The following UMPS variants were observed in gnomAD, a reference collection of about 807,000 sequenced individuals.
UMPS encodes uridine 5'-monophosphate synthase.
UMPS carries 21 observed loss-of-function variants against 38.9 expected under a neutral mutation model. That is an observed-to-expected ratio of 0.54 (90% CI 0.38 to 0.78). UMPS has a LOEUF of 0.78. UMPS is among the 30% of genes least tolerant of loss of function. The pLI is 0.00. For synonymous variants in UMPS, 208 were observed against 219.3 expected (o/e 0.95, Z 0.45); for missense variants, 533 against 591.6 (o/e 0.90, Z 1.03).
At chr3:124,738,970 T>A (rs1264693029) in intron 3 of UMPS, among the ~76,000 whole-genome samples, 3 of 152,250 alleles carry the variant, frequency 2.0e-5, no homozygotes, top group Non-Finnish European at 4.4e-5. Flanking sequence ...ATAACATTTT[T>A]TGTAGGCATC....
Position 124,731,777 on chromosome 3 carries a change from A to G in UMPS, c.156+1150A>G, listed in dbSNP as rs564524534. ...CTGGGCATGGTGGTGCACACCTGTA[A>G]TCCCAGCTACTCAGGAGGCTGAGGC... On this transcript the variant is annotated intron_variant, in intron 1 of 5. Coordinates refer to ENST00000232607, the MANE Select transcript of UMPS (RefSeq NM_000373.4). Among the ~76,000 whole-genome samples, 159 of 151,952 alleles carry G rather than the reference A, an allele frequency of 1.0e-3. 1 individual carries two copies. The highest frequency in any genetic ancestry group is 1.7e-3 in the Non-Finnish European group (118 of 67,990).
At chr3:124,735,693 T>C (rs78639310) in intron 2 of UMPS, among the ~76,000 whole-genome samples, 2 of 152,188 alleles carry the variant, frequency 1.3e-5, no homozygotes, top group Non-Finnish European at 2.9e-5. Flanking sequence ...ACCCGAAAAT[T>C]TGTCCAGGCA....
Position 124,744,256 on chromosome 3 carries a change from G to A in UMPS, c.*172G>A. The A allele has an allele frequency of 1.3e-6, 1 of 788,480 alleles. No homozygotes were observed. The highest frequency in any genetic ancestry group is 2.1e-6 in the Non-Finnish European group (1 of 471,500). The allele number at this position is 788,480 out of a possible 1,614,324, so 48.8% of individuals were successfully genotyped here. ...GTCTTTAGGAAATATTGAGTAATTTGTAATCACCGCATTGATACTATAATA... is the reference window on the plus strand; with the variant it reads ...GTCTTTAGGAAATATTGAGTAATTTATAATCACCGCATTGATACTATAATA... On this transcript the variant is annotated 3_prime_UTR_variant, in exon 6 of 6. Coordinates refer to ENST00000232607, the MANE Select transcript of UMPS (RefSeq NM_000373.4).
rs913514809 is a variant in UMPS, at chr3:124,737,806, C to T, written c.549C>T (p.Leu183=). The T allele has an allele frequency of 5.0e-6, 8 of 1,613,996 alleles. No homozygotes were observed. The highest frequency in any genetic ancestry group is 1.6e-4 in the Middle Eastern group (1 of 6,084). ...VCTLSKMLEI[L]EQQKKVDAET... ...CATTGTCCAAAATGCTGGAGATTCT[C>T]GAGCAGCAGAAAAAAGTTGATGCTG... Residue 183 remains leucine (L), a synonymous_variant, in exon 3 of 6, where the codon CTC becomes CTT. Coordinates refer to ENST00000232607, the MANE Select transcript of UMPS (RefSeq NM_000373.4).
At chr3:124,733,992 CTT>C (rs1046377240) in intron 1 of UMPS, among the ~76,000 whole-genome samples, 2 of 152,082 alleles carry the variant, frequency 1.3e-5, no homozygotes, top group Non-Finnish European at 2.9e-5. Context: ...AAATTTTAAA[CTT>C]TTCATAGTCC....
At chr3:124,732,838 C>T (rs1178480819) in intron 1 of UMPS, among the ~76,000 whole-genome samples, 1 of 152,138 alleles carries the variant, frequency 6.6e-6, no homozygotes, top group Non-Finnish European at 1.5e-5. Flanking sequence ...AACTTCTCAC[C>T]ATCCAGAATC....
rs1559911659 is a variant in UMPS, at chr3:124,748,994, GTGC to G, written c.*4911_*4913del. 1 of 454,076 alleles carries G rather than the reference GTGC, an allele frequency of 2.2e-6. No homozygotes were observed. Among genetic ancestry groups the G allele is most frequent in the Admixed American group, 2.3e-5 (1 of 42,572 alleles). The allele number at this position is 454,076 out of a possible 1,614,324, so 28.1% of individuals were successfully genotyped here. A position where few individuals can be genotyped will look rare whatever the true frequency, so the allele number is the denominator to read the frequency against. On this transcript the variant is annotated 3_prime_UTR_variant, in exon 6 of 6. Transcript: ENST00000232607. Reference sequence around the variant, plus strand: ...CATGAGGACAACCATGTCTTCGGGGGTGCCCTTGTGCACAGACAGCTCCATAGT... The same window carrying G: ...CATGAGGACAACCATGTCTTCGGGGGCCTTGTGCACAGACAGCTCCATAGT...
At chr3:124,731,640 T>G in intron 1 of UMPS, 1 of 234,978 alleles carries the variant, frequency 4.3e-6, no homozygotes, top group South Asian at 4.3e-5. Context: ...GTCCCAACTT[T>G]GGGAGGCTTT....
rs898045173 is a variant in UMPS at position 124,735,306 on chromosome 3, A to G, written c.310+60A>G. 7 of 1,506,526 alleles carry G rather than the reference A, an allele frequency of 4.6e-6. No homozygotes were observed. The Admixed American group carries it at 1.1e-4, about 24-fold the overall frequency. 93.3% of individuals were successfully genotyped at this position (1,506,526 alleles called of 1,614,324 possible). ...TAATCTGTAACATCATACTCTTAGA[A>G]TTTTTCCGCTTCTGTGCACTAATGT... is the stretch of plus-strand genomic sequence containing the variant. On this transcript the variant is annotated intron_variant, in intron 2 of 5. Coordinates refer to ENST00000232607, the MANE Select transcript of UMPS (RefSeq NM_000373.4).
Position 124,744,468 on chromosome 3 carries a change from G to A in UMPS, c.*384G>A, listed in dbSNP as rs970001749. 3 of 454,176 alleles carry A rather than the reference G, an allele frequency of 6.6e-6. No homozygotes were observed. The highest frequency in any genetic ancestry group is 4.7e-5 in the Admixed American group (2 of 42,560). 28.1% of individuals were successfully genotyped at this position (454,176 alleles called of 1,614,324 possible). ...CTCACTCTGTTGCCCAGGATGGAGT[G>A]CAGTGGTGAGATCACGGCTCATTGC... On this transcript the variant is annotated 3_prime_UTR_variant, in exon 6 of 6. Coordinates refer to ENST00000232607, the MANE Select transcript of UMPS (RefSeq NM_000373.4).
rs1052025245 is a variant in UMPS, at chr3:124,740,014, T to A, written c.983-10T>A. On this transcript the variant is annotated splice_polypyrimidine_tract_variant and intron_variant, in intron 3 of 5. Coordinates refer to ENST00000232607, the MANE Select transcript of UMPS (RefSeq NM_000373.4). ...AATCAGCAAATATCTTTTTTCCCCC[T>A]TCTTCTTAGGAGGTATCTTTAAAAT... The A allele has an allele frequency of 6.2e-7, 1 of 1,614,078 alleles. No homozygotes were observed. Among genetic ancestry groups the A allele is most frequent in the Non-Finnish European group, 8.5e-7 (1 of 1,179,964 alleles).
Position 124,745,211 on chromosome 3 carries a change from G to A in UMPS, c.*1127G>A. On this transcript the variant is annotated 3_prime_UTR_variant, in exon 6 of 6. Transcript: ENST00000232607. ...ACATTCAAGGTGGTGTTTGAGCAGGGGCAGGGTGAGGGCTGTCCCGGTGCT... is the reference window on the plus strand; with the variant it reads ...ACATTCAAGGTGGTGTTTGAGCAGGAGCAGGGTGAGGGCTGTCCCGGTGCT... 2.2e-6 allele frequency: 1 copy of A among 454,084 alleles called. No homozygotes were observed. The highest frequency in any genetic ancestry group is 1.6e-5 in the South Asian group (1 of 64,466). The allele number at this position is 454,084 out of a possible 1,614,324, so 28.1% of individuals were successfully genotyped here.
chr3:124,738,344 G>C (rs889571411), intron 3 of UMPS, 105 bp downstream of exon 3: 1 of 1,274,382 alleles, frequency 7.8e-7, no homozygotes, highest in African/African-American at 1.5e-5. Context: ...AGAGCAGGCT[G>C]TCAAGCGTGG....
In UMPS at chr3:124,745,073, A is replaced by G; in HGVS notation, c.*989A>G. On this transcript the variant is annotated 3_prime_UTR_variant, in exon 6 of 6. Transcript: ENST00000232607. ...GACAGCTTCCTGTGACTGACTTCAC[A>G]ATTAGGAGGTCTAAGATTCCATTTG... 2.2e-6 allele frequency: 1 copy of G among 454,122 alleles called. No individual in the cohort carries two copies. The highest frequency in any genetic ancestry group is 4.4e-6 in the Non-Finnish European group (1 of 226,798). The allele number at this position is 454,122 out of a possible 1,614,324, so 28.1% of individuals were successfully genotyped here.
chr3:124,735,668 G>A (rs1206069434), intron 2 of UMPS, among the ~76,000 whole-genome samples: 1 of 152,176 alleles, frequency 6.6e-6, no homozygotes, highest in Non-Finnish European at 1.5e-5. Flanking sequence ...AGATTATCAG[G>A]TGACTTGCTT....
Position 124,744,237 on chromosome 3 carries a change from A to T in UMPS, c.*153A>T. On this transcript the variant is annotated 3_prime_UTR_variant, in exon 6 of 6. Coordinates refer to ENST00000232607, the MANE Select transcript of UMPS (RefSeq NM_000373.4). ...GGGTTCTGGAGTTCTCATGGTCTTT[A>T]GGAAATATTGAGTAATTTGTAATCA... 1 of 893,160 alleles carries T rather than the reference A, an allele frequency of 1.1e-6. No homozygotes were observed. Among genetic ancestry groups the T allele is most frequent in the Non-Finnish European group, 1.8e-6 (1 of 562,206 alleles). 55.3% of individuals were successfully genotyped at this position (893,160 alleles called of 1,614,324 possible). A position where few individuals can be genotyped will look rare whatever the true frequency, so the allele number is the denominator to read the frequency against.
chr3:124,738,467 C>T, intron 3 of UMPS: 1 of 532,670 alleles, frequency 1.9e-6, no homozygotes, highest in Non-Finnish European at 3.4e-6. Context: ...GCATGCTCAC[C>T]CCAAACCAAT....
chr3:124,742,858 G>T lies in UMPS; in HGVS notation c.1273+592G>T, dbSNP rs114888272. 3.3e-3 allele frequency among the ~76,000 whole-genome samples: 503 copies of T among 152,272 alleles called. 6 individuals are homozygous for T. The highest frequency in any genetic ancestry group is 0.011 in the African/African-American group (477 of 41,552). On this transcript the variant is annotated intron_variant, in intron 5 of 5. Transcript: ENST00000232607. ...ATGTGTGCTAAAATTTTCTTCAATTGTGAGGCCAATCTTTATTGTATTTTT... is the reference window on the plus strand; with the variant it reads ...ATGTGTGCTAAAATTTTCTTCAATTTTGAGGCCAATCTTTATTGTATTTTT...
chr3:124,730,771 G>A (rs1380372761), intron 1 of UMPS, 144 bp downstream of exon 1: 2 of 921,958 alleles, frequency 2.2e-6, no homozygotes, highest in Non-Finnish European at 1.6e-6. Context: ...TGGGGAGTAA[G>A]CATGAGAAGC....
Sources: allele counts gnomAD v4.1 joint callset (sites outside exome capture counted in the v4.1 genomes callset), GRCh38; gene constraint gnomAD v4.1.1; transcripts MANE v1.5; gene names NCBI Gene and HGNC (gene_info 2026-07-23, HGNC 2026-07-21).